The following RBFOX1 variants were observed in gnomAD, a reference collection of about 807,000 sequenced individuals.
RBFOX1 encodes the protein RNA binding fox-1 homolog 1.
Under a neutral mutation model 57.7 loss-of-function variants are expected in RBFOX1, and 8 were observed. That is an observed-to-expected ratio of 0.14 (90% CI 0.08 to 0.25). RBFOX1 has a LOEUF of 0.25. Ranked by LOEUF, RBFOX1 falls within the 10% of genes least tolerant of loss-of-function variation. The pLI is 1.00. For missense variants in RBFOX1, 611 were observed against 548.5 expected, an observed-to-expected ratio of 1.11 and a Z score of -1.14; for synonymous variants, 326 against 222.4, an observed-to-expected ratio of 1.47 and a Z score of -4.15.
At chr16:6,028,351 A>C (rs2095235892) in intron 1 of RBFOX1, among the ~76,000 whole-genome samples, 1 of 151,976 alleles carries the variant, frequency 6.6e-6, no homozygotes, top group East Asian at 1.9e-4. Flanking sequence ...CTTGAGGGAG[A>C]ATAAAGGGCA....
intron 3 of RBFOX1, among the ~76,000 whole-genome samples, chr16:5,834,586 A>ATAGATAGT (rs1469587545): frequency 2.8e-5 from 4 of 144,772 alleles, no homozygotes; most frequent in African/African-American, 1.1e-4. Context: ...TCATAGATAG[A>ATAGATAGT]TAGATAGATA....
intron 2 of RBFOX1, among the ~76,000 whole-genome samples, chr16:6,608,052 C>A (rs1462923319): frequency 6.6e-6 from 1 of 152,164 alleles, no homozygotes; most frequent in East Asian, 1.9e-4. Flanking sequence ...AAAAGTCCTT[C>A]ATTGTACAGA....
At chr16:6,714,640 T>C (rs914679688) in intron 3 of RBFOX1, among the ~76,000 whole-genome samples, 1 of 152,082 alleles carries the variant, frequency 6.6e-6, no homozygotes, top group African/African-American at 2.4e-5. Flanking sequence ...AAGATGAACA[T>C]ATTACAGCCA....
chr16:6,434,465 G>T (rs996454887), intron 2 of RBFOX1, among the ~76,000 whole-genome samples: 1 of 152,118 alleles, frequency 6.6e-6, no homozygotes, highest in Non-Finnish European at 1.5e-5. Flanking sequence ...CTCTCCCTTA[G>T]TCTTGAGCTG....
chr16:6,866,163 T>C (rs1037009036), intron 3 of RBFOX1, among the ~76,000 whole-genome samples: 3 of 152,196 alleles, frequency 2.0e-5, no homozygotes, highest in Non-Finnish European at 4.4e-5. Context: ...TTCTTTATAT[T>C]ATAAAACAGC....
intron 3 of RBFOX1, among the ~76,000 whole-genome samples, chr16:6,981,406 C>T (rs532442355): frequency 1.8e-4 from 28 of 152,234 alleles, no homozygotes; most frequent in Admixed American, 2.6e-4. Flanking sequence ...CCATCCATGT[C>T]CCTGCAAAGG....
chr16:6,954,214 G>A (rs188973493), intron 3 of RBFOX1, among the ~76,000 whole-genome samples: 45 of 152,042 alleles, frequency 3.0e-4, no homozygotes, highest in African/African-American at 9.9e-4. Flanking sequence ...AAAGAGAGTG[G>A]CAAATCAACG....
intron 1 of RBFOX1, among the ~76,000 whole-genome samples, chr16:5,250,933 A>T (rs2062434611): frequency 6.6e-6 from 1 of 152,204 alleles, no homozygotes; most frequent in South Asian, 2.1e-4. Context: ...CTCAATTTGC[A>T]TCCTGTGCAA....
At chr16:7,690,523 T>C (rs2077088898) in intron 14 of RBFOX1, among the ~76,000 whole-genome samples, 1 of 152,038 alleles carries the variant, frequency 6.6e-6, no homozygotes, top group Non-Finnish European at 1.5e-5. Flanking sequence ...GAAAATCAGG[T>C]GCATTTTGAA....
intron 2 of RBFOX1, among the ~76,000 whole-genome samples, chr16:6,642,133 A>T (rs927688362): frequency 3.3e-5 from 5 of 152,328 alleles, no homozygotes; most frequent in Non-Finnish European, 4.4e-5. Flanking sequence ...ACGCCAAGCC[A>T]GGTGACTGAC....
intron 13 of RBFOX1, among the ~76,000 whole-genome samples, chr16:7,673,094 A>G (rs1292657318): frequency 2.0e-5 from 3 of 152,032 alleles, no homozygotes; most frequent in Non-Finnish European, 4.4e-5. Context: ...CTCCAGCTGA[A>G]GGAAGCATGC....
intron 1 of RBFOX1, among the ~76,000 whole-genome samples, chr16:6,104,575 T>C (rs568984662): frequency 3.4e-4 from 52 of 152,306 alleles, no homozygotes; most frequent in African/African-American, 1.2e-3. Flanking sequence ...CAATCTCTGT[T>C]CCCACCCTCA....
At chr16:6,879,580 C>T (rs375433502) in intron 3 of RBFOX1, among the ~76,000 whole-genome samples, 2 of 152,322 alleles carry the variant, frequency 1.3e-5, no homozygotes, top group East Asian at 3.9e-4. Flanking sequence ...TTTCCATTAT[C>T]ATTTTTAAAG....
intron 4 of RBFOX1, among the ~76,000 whole-genome samples, chr16:7,211,177 G>A (rs1465839936): frequency 1.3e-5 from 2 of 151,556 alleles, no homozygotes; most frequent in African/African-American, 4.8e-5. Flanking sequence ...GGATCATGAG[G>A]TCAGGAGATC....
At chr16:7,471,506 T>G (rs967619536) in intron 4 of RBFOX1, among the ~76,000 whole-genome samples, 2 of 152,150 alleles carry the variant, frequency 1.3e-5, no homozygotes, top group African/African-American at 4.8e-5. Context: ...TTAAAAGACA[T>G]AAGGTTGGAG....
intron 3 of RBFOX1, among the ~76,000 whole-genome samples, chr16:6,966,561 A>T (rs545641930): frequency 6.6e-6 from 1 of 152,108 alleles, no homozygotes; most frequent in African/African-American, 2.4e-5. Flanking sequence ...AATGTCTTTG[A>T]GAAAGAATGG....
chr16:7,158,763 CTG>C (rs1478163069), intron 4 of RBFOX1, among the ~76,000 whole-genome samples: 4 of 151,462 alleles, frequency 2.6e-5, no homozygotes, highest in East Asian at 1.9e-4. Flanking sequence ...GTGTGCATGT[CTG>C]TGAGTAGTGT....
intron 2 of RBFOX1, among the ~76,000 whole-genome samples, chr16:6,466,712 G>A (rs1319705669): frequency 6.6e-6 from 1 of 152,080 alleles, no homozygotes; most frequent in East Asian, 1.9e-4. Flanking sequence ...ATGTTTCTAA[G>A]GTATTTTGAA....
At chr16:6,729,854 G>C (rs2068095887) in intron 3 of RBFOX1, among the ~76,000 whole-genome samples, 1 of 152,088 alleles carries the variant, frequency 6.6e-6, no homozygotes, top group Non-Finnish European at 1.5e-5. Context: ...GACAAATGGA[G>C]TTTGGAAGAA....
Sources: gnomAD v4.1 joint callset for allele counts (sites outside exome capture counted in the v4.1 genomes callset) on GRCh38, gnomAD v4.1.1 for gene constraint, MANE v1.5 for transcripts, NCBI Gene and HGNC (gene_info 2026-07-23, HGNC 2026-07-21) for gene names.